Variants in RBM44 observed in about 807,000 individuals in gnomAD.
The protein encoded by RBM44 is RNA-binding protein 44.
A neutral mutation model predicts 105.1 loss-of-function variants in RBM44; 66 were observed. The ratio of observed to expected loss-of-function variants is 0.63; its 90% CI spans 0.52 to 0.77. The LOEUF (loss-of-function observed/expected upper bound fraction) is 0.77, where lower values mean the gene tolerates loss of function less well. RBM44 is among the 30% of genes least tolerant of loss of function. The pLI, the probability that RBM44 is intolerant of heterozygous loss-of-function variation, is 0.00. For synonymous variants in RBM44, 365 were observed against 417.6 expected (o/e 0.87, Z 1.54); for missense variants, 1,122 against 1,207.8 (o/e 0.93, Z 1.05).
chr2:237,803,752 A>T lies in RBM44; in HGVS notation c.-19+4891A>T, dbSNP rs1415981500. ...GAAACATTATAAATTTGGTTTTCACATTTAAAAATATGATTCATCTCACTT... is the reference window on the plus strand; with the variant it reads ...GAAACATTATAAATTTGGTTTTCACTTTTAAAAATATGATTCATCTCACTT... On this transcript the variant is annotated intron_variant, in intron 1 of 15. Coordinates refer to ENST00000316997, the MANE Select transcript of RBM44 (RefSeq NM_001080504.3). This position sits in a 1 kb window ranked among gnomAD's most constrained non-coding sequence, Gnocchi z 4.2. Among the ~76,000 whole-genome samples, 2 of 152,238 alleles carry T rather than the reference A, an allele frequency of 1.3e-5. No individual in the cohort carries two copies. Among genetic ancestry groups the T allele is most frequent in the Non-Finnish European group, 2.9e-5 (2 of 68,050 alleles).
At chr2:237,830,353 C>A (rs2061891380) in intron 13 of RBM44, among the ~76,000 whole-genome samples, 1 of 151,950 alleles carries the variant, frequency 6.6e-6, no homozygotes, top group Non-Finnish European at 1.5e-5. Context: ...ATTTTAAGTC[C>A]TTTACCAGAT....
At chr2:237,815,389 C>T (rs1002150252) in intron 2 of RBM44, among the ~76,000 whole-genome samples, 1 of 152,114 alleles carries the variant, frequency 6.6e-6, no homozygotes, top group Admixed American at 6.6e-5. Flanking sequence ...TCGTCCTCCT[C>T]ATTTTTCCCT....
At chr2:237,829,583 A>G in intron 13 of RBM44, 81 bp downstream of exon 13, 1 of 1,225,674 alleles carries the variant, frequency 8.2e-7, no homozygotes, top group South Asian at 1.5e-5. Context: ...AATAACTTCA[A>G]TATGCAGTCT....
At chr2:237,822,754 G>A (rs952211665) in intron 8 of RBM44, among the ~76,000 whole-genome samples, 2 of 140,532 alleles carry the variant, frequency 1.4e-5, no homozygotes, top group South Asian at 2.3e-4. Flanking sequence ...AAGATATAAC[G>A]TAGTTTTATA....
intron 2 of RBM44, among the ~76,000 whole-genome samples, chr2:237,815,839 C>T (rs986377690): frequency 2.0e-5 from 3 of 151,856 alleles, no homozygotes; most frequent in Non-Finnish European, 4.4e-5. Context: ...TTTAGTCCCA[C>T]CTCTGTTTTG....
chr2:237,803,498 G>T lies in RBM44; in HGVS notation c.-19+4637G>T, dbSNP rs190829961. Among the ~76,000 whole-genome samples, 68 of 152,250 alleles carry T rather than the reference G, an allele frequency of 4.5e-4. No homozygotes were observed. The highest frequency in any genetic ancestry group is 1.6e-3 in the African/African-American group (65 of 41,534). On this transcript the variant is annotated intron_variant, in intron 1 of 15. Coordinates refer to ENST00000316997, the MANE Select transcript of RBM44 (RefSeq NM_001080504.3). The surrounding 1 kb of genome is among the most constrained non-coding windows in gnomAD (Gnocchi z 4.2). ...TATAAGCAATTTAAAAAATCTATTT[G>T]TACAAGTTATTTATGTAATCTGAAT... is the stretch of plus-strand genomic sequence containing the variant.
At position 237,827,325 on chromosome 2, in the gene RBM44, C is replaced by A; in HGVS notation, c.2525C>A (p.Ser842Tyr). Residue 842 changes from serine (S) to tyrosine (Y), a missense_variant, in exon 11 of 16, where the codon TCT (serine) becomes TAT (tyrosine). Transcript: ENST00000316997. ...IHVGGLCPSV[S>Y]EADLRSHFQK... ...GTTGGTGGCCTCTGCCCTTCAGTAT[C>A]TGAGGTATACCAGGATTATTTTTTT... 1 of 1,564,002 alleles carries A rather than the reference C, an allele frequency of 6.4e-7. No homozygotes were observed. The highest frequency in any genetic ancestry group is 8.8e-7 in the Non-Finnish European group (1 of 1,142,372).
chr2:237,834,113 A>C lies in RBM44; in HGVS notation c.3003A>C (p.Arg1001Ser), dbSNP rs1179592290. ...NLRSFTKIIK[R>S]LAELHPEVSR... ...GTAGCTTTACCAAGATCATAAAGAG[A>C]CTGGCTGAACTGCATCCAGAAGTCA... Residue 1001 changes from arginine (R) to serine (S), a missense_variant, in exon 14 of 16, where the codon AGA becomes AGC. By Grantham distance (110) the Arg-to-Ser change is moderately radical. Around this residue, in one of 3 missense-constraint regions of RBM44, gnomAD observed 194 missense variants for 225.5 expected, o/e 0.86. Coordinates refer to ENST00000316997, the MANE Select transcript of RBM44 (RefSeq NM_001080504.3). 6.3e-7 allele frequency: 1 copy of C among 1,576,598 alleles called. No individual in the cohort carries two copies. The highest frequency in any genetic ancestry group is 8.6e-7 in the Non-Finnish European group (1 of 1,160,664).
chr2:237,811,635 A>T (rs1394744258), intron 1 of RBM44, among the ~76,000 whole-genome samples: 2 of 149,212 alleles, frequency 1.3e-5, no homozygotes, highest in African/African-American at 2.5e-5. Flanking sequence ...TGGCCTTTTC[A>T]TTTTTTTTCA....
chr2:237,806,889 TTTAG>T (rs2061604247), intron 1 of RBM44, among the ~76,000 whole-genome samples: 1 of 151,978 alleles, frequency 6.6e-6, no homozygotes, highest in Admixed American at 6.6e-5. Context: ...GTGCGGGGAG[TTTAG>T]TAAGTCCCAC....
chr2:237,840,200 A>AT (rs1218911519), intron 15 of RBM44, among the ~76,000 whole-genome samples: 1 of 151,120 alleles, frequency 6.6e-6, no homozygotes, highest in African/African-American at 2.4e-5. Context: ...AAAAAAAAAA[A>AT]AAAAAAAAAA....
At chr2:237,829,844 C>T (rs575919239) in intron 13 of RBM44, among the ~76,000 whole-genome samples, 7 of 152,094 alleles carry the variant, frequency 4.6e-5, no homozygotes, top group African/African-American at 1.7e-4. Context: ...TTGTTAAAAC[C>T]GTAAAATGTA....
intron 2 of RBM44, among the ~76,000 whole-genome samples, chr2:237,816,369 G>A (rs759018134): frequency 1.3e-5 from 2 of 151,934 alleles, no homozygotes; most frequent in Non-Finnish European, 2.9e-5. Context: ...CACTGGAGGC[G>A]CCCAAAGATT....
intron 1 of RBM44, among the ~76,000 whole-genome samples, chr2:237,812,404 G>A (rs1254798097): frequency 5.3e-5 from 8 of 152,160 alleles, no homozygotes; most frequent in Middle Eastern, 3.4e-3. Flanking sequence ...ACCATGTCCC[G>A]TAGATTTTGG....
At chr2:237,815,907 T>C (rs2150975739) in intron 2 of RBM44, among the ~76,000 whole-genome samples, 1 of 152,222 alleles carries the variant, frequency 6.6e-6, no homozygotes, top group African/African-American at 2.4e-5. Flanking sequence ...CAGGAATGAC[T>C]ACAACTCAAT....
chr2:237,822,909 C>T (rs1395802497), intron 8 of RBM44, among the ~76,000 whole-genome samples: 1 of 151,864 alleles, frequency 6.6e-6, no homozygotes, highest in Non-Finnish European at 1.5e-5. Flanking sequence ...TACTCATGTA[C>T]CATCTTCACA....
At chr2:237,821,698 G>C (rs1167190002) in intron 7 of RBM44, 45 bp from the exon 8 acceptor site, 2 of 1,352,174 alleles carry the variant, frequency 1.5e-6, no homozygotes, top group African/African-American at 2.9e-5. Context: ...ACCTTACTCT[G>C]TTATCAAACA....
chr2:237,820,935 T>C, intron 5 of RBM44, 136 bp from the exon 6 acceptor site: 1 of 606,982 alleles, frequency 1.6e-6, no homozygotes, highest in Non-Finnish European at 2.8e-6. Flanking sequence ...CATGTAGTCC[T>C]AGCAACTTGC....
chr2:237,820,101 C>A, intron 4 of RBM44, 74 bp from the exon 5 acceptor site: 1 of 743,758 alleles, frequency 1.3e-6, no homozygotes, highest in Non-Finnish European at 2.0e-6. Flanking sequence ...AATTTAAAAT[C>A]TGTTTCTGGA....
Sources: gnomAD v4.1 joint callset for allele counts (sites outside exome capture counted in the v4.1 genomes callset) on GRCh38, gnomAD v4.1.1 for gene constraint, gnomAD v4.1.1 regional missense constraint, Gnocchi (gnomAD v3.1) non-coding constraint, MANE v1.5 for transcripts, NCBI Gene and HGNC (gene_info 2026-07-23, HGNC 2026-07-21) for gene names.